ZNF492: variants seen among roughly 807,000 people sequenced by gnomAD.
ZNF492 encodes zinc finger protein 115 (Y20).
Under a neutral mutation model 6.4 loss-of-function variants are expected in ZNF492, and 3 were observed. That is an observed-to-expected ratio of 0.47 (90% CI 0.21 to 1.22). The LOEUF (loss-of-function observed/expected upper bound fraction) is 1.22, where lower values mean the gene tolerates loss of function less well. Ranked by LOEUF, ZNF492 falls within the 50% of genes most tolerant of loss-of-function variation. The pLI is 0.22. For missense variants in ZNF492, 356 were observed against 612.5 expected (o/e 0.58, Z 4.42); for synonymous variants, 112 against 205.3 (o/e 0.55, Z 3.89).
chr19:22,648,652 G>A (rs939194418), intron 1 of ZNF492, among the ~76,000 whole-genome samples: 3 of 152,168 alleles, frequency 2.0e-5, no homozygotes, highest in African/African-American at 7.2e-5. Context: ...TATGTATTTA[G>A]GAGAGTTAGC....
intron 1 of ZNF492, among the ~76,000 whole-genome samples, chr19:22,644,435 G>T (rs927337925): frequency 2.6e-5 from 4 of 152,028 alleles, no homozygotes; most frequent in African/African-American, 9.7e-5. Context: ...GTGTCCTTGT[G>T]TTCTCATTGT....
At chr19:22,642,382 G>GTTT (rs1971836119) in intron 1 of ZNF492, among the ~76,000 whole-genome samples, 10 of 116,712 alleles carry the variant, frequency 8.6e-5, no homozygotes, top group Non-Finnish European at 1.4e-4. Flanking sequence ...TAAACCTTTT[G>GTTT]TCTTTTTTTT....
At chr19:22,652,418 T>G (rs539017483) in intron 1 of ZNF492, among the ~76,000 whole-genome samples, 27 of 147,856 alleles carry the variant, frequency 1.8e-4, no homozygotes, top group Non-Finnish European at 3.0e-4. Context: ...CTTTGGAAAA[T>G]GAAAGCTCTC....
chr19:22,653,025 A>C (rs1321835390), intron 1 of ZNF492, among the ~76,000 whole-genome samples: 1 of 151,662 alleles, frequency 6.6e-6, no homozygotes, highest in African/African-American at 2.4e-5. Flanking sequence ...TGTAGCACTC[A>C]AAAATGTACA....
chr19:22,651,661 C>T (rs1971940926), intron 1 of ZNF492, among the ~76,000 whole-genome samples: 2 of 151,986 alleles, frequency 1.3e-5, no homozygotes, highest in South Asian at 2.1e-4. Flanking sequence ...ATGTTTCCTT[C>T]GTGGCTATGG....
At chr19:22,663,511 A>G (rs1358352434) in intron 3 of ZNF492, among the ~76,000 whole-genome samples, 1 of 152,200 alleles carries the variant, frequency 6.6e-6, no homozygotes, top group Non-Finnish European at 1.5e-5. Flanking sequence ...ACTATGTTAT[A>G]TAGGGAAGCA....
chr19:22,652,475 C>T (rs1285800782), intron 1 of ZNF492, among the ~76,000 whole-genome samples: 2 of 151,716 alleles, frequency 1.3e-5, no homozygotes, highest in African/African-American at 4.9e-5. Context: ...CAGGCTTTTC[C>T]ACTTACTGGA....
At chr19:22,636,209 C>T (rs951434801) in intron 1 of ZNF492, among the ~76,000 whole-genome samples, 2 of 151,826 alleles carry the variant, frequency 1.3e-5, no homozygotes, top group Non-Finnish European at 2.9e-5. Context: ...TAGTGATTCT[C>T]CTGCCTCACC....
chr19:22,653,991 C>T lies in ZNF492; in HGVS notation c.106C>T (p.His36Tyr), dbSNP rs1303581153. The T allele has an allele frequency of 6.2e-7, 1 of 1,601,542 alleles. No homozygotes were observed. Among genetic ancestry groups the T allele is most frequent in the South Asian group, 1.1e-5 (1 of 88,674 alleles). Residue 36 changes from histidine to tyrosine, a missense_variant, in exon 3 of 4, where the codon CAT becomes TAT. His to Tyr is a moderately conservative substitution (Grantham distance 83). This residue lies in a region of ZNF492 where 196 missense variants were observed against 219.4 expected (regional missense o/e 0.89). Coordinates refer to ENST00000456783, the MANE Select transcript of ZNF492 (RefSeq NM_020855.3). ...QGKEPWNVKR[H>Y]EMVAEPPVVC... ...AAAAGAACCTTGGAATGTGAAGAGA[C>T]ATGAGATGGTAGCTGAACCCCCAGG... is the stretch of plus-strand genomic sequence containing the variant.
intron 1 of ZNF492, among the ~76,000 whole-genome samples, chr19:22,636,173 C>T (rs1343114885): frequency 1.3e-5 from 2 of 151,466 alleles, no homozygotes; most frequent in African/African-American, 4.9e-5. Flanking sequence ...GATCTCGGCT[C>T]ACGGCAACCT....
chr19:22,653,711 C>T (rs1971965430), intron 2 of ZNF492, among the ~76,000 whole-genome samples: 1 of 151,934 alleles, frequency 6.6e-6, no homozygotes, highest in Non-Finnish European at 1.5e-5. Flanking sequence ...CTAATTGCCA[C>T]TACCAGTTTT....
chr19:22,650,282 GCCTGCTCCTTC>G (rs1971926217), intron 1 of ZNF492, among the ~76,000 whole-genome samples: 1 of 152,062 alleles, frequency 6.6e-6, no homozygotes, highest in East Asian at 1.9e-4. Flanking sequence ...AAAGATGGGT[GCCTGCTCCTTC>G]CTCTGGGATC....
intron 1 of ZNF492, among the ~76,000 whole-genome samples, chr19:22,642,303 C>A (rs989130612): frequency 6.6e-6 from 1 of 150,756 alleles, no homozygotes; most frequent in Admixed American, 6.6e-5. Context: ...TTTATTAAAG[C>A]ATTTAGATTA....
In ZNF492 at chr19:22,658,855, T is replaced by G. The variant is rs555833810; in HGVS notation, c.130+4840T>G. Among the ~76,000 whole-genome samples the G allele has an allele frequency of 7.7e-4, 111 of 143,274 alleles. 3 individuals are homozygous for G. The highest frequency in any genetic ancestry group is 1.3e-3 in the Admixed American group (19 of 14,578). 94.0% of individuals were successfully genotyped at this position (143,274 alleles called of 152,430 possible). ...GAGTTTATATATGTGCTGCATTCTA[T>G]TTTATTAGTCTACTTTTTCACCTTT... On this transcript the variant is annotated intron_variant, in intron 3 of 3. Coordinates refer to ENST00000456783, the MANE Select transcript of ZNF492 (RefSeq NM_020855.3).
intron 1 of ZNF492, among the ~76,000 whole-genome samples, chr19:22,635,954 A>T (rs546987026): frequency 6.6e-6 from 1 of 152,224 alleles, no homozygotes; most frequent in East Asian, 1.9e-4. Context: ...TGTGCAGATT[A>T]TTTTGTCACT....
chr19:22,647,506 C>G (rs1971892506), intron 1 of ZNF492, among the ~76,000 whole-genome samples: 1 of 150,614 alleles, frequency 6.6e-6, no homozygotes, highest in Admixed American at 6.6e-5. Context: ...AGGTGATCCC[C>G]CCCAATCTCG....
chr19:22,637,769 T>G (rs550307941), intron 1 of ZNF492, among the ~76,000 whole-genome samples: 110 of 152,300 alleles, frequency 7.2e-4, no homozygotes, highest in African/African-American at 2.6e-3. Flanking sequence ...AAAAGGTAAT[T>G]CTGTTTTTAG....
chr19:22,636,163 G>C (rs768957712), intron 1 of ZNF492, among the ~76,000 whole-genome samples: 1 of 151,368 alleles, frequency 6.6e-6, no homozygotes, highest in East Asian at 1.9e-4. Context: ...GCAATGGCGC[G>C]ATCTCGGCTC....
At position 22,655,675 on chromosome 19, in the gene ZNF492, A is replaced by ATTTTTTTTTTTTTTTTTTTTT. The variant is rs201831166; in HGVS notation, c.130+1679_130+1680insTTTTTTTTTTTTTTTTTTTTT. On this transcript the variant is annotated intron_variant, in intron 3 of 3. Coordinates refer to ENST00000456783, the MANE Select transcript of ZNF492 (RefSeq NM_020855.3). ...ATTTGTCTTCAATTTCAGTGACTTA[A>ATTTTTTTTTTTTTTTTTTTTT]TTTTTTTTTTTTTTTTTTTACTTAT... Among the ~76,000 whole-genome samples, 55 of 109,356 alleles carry ATTTTTTTTTTTTTTTTTTTTT rather than the reference A, an allele frequency of 5.0e-4. 1 individual carries two copies. Among genetic ancestry groups the ATTTTTTTTTTTTTTTTTTTTT allele is most frequent in the African/African-American group, 2.1e-3 (51 of 24,534 alleles). 71.7% of individuals were successfully genotyped at this position (109,356 alleles called of 152,430 possible). A position where few individuals can be genotyped will look rare whatever the true frequency, so the allele number is the denominator to read the frequency against.
Sources: allele counts gnomAD v4.1 joint callset (sites outside exome capture counted in the v4.1 genomes callset), GRCh38; gene constraint gnomAD v4.1.1; regional missense constraint gnomAD v4.1.1; transcripts MANE v1.5; gene names NCBI Gene and HGNC (gene_info 2026-07-23, HGNC 2026-07-21).